The following CHD2 variants were observed in gnomAD, a reference collection of about 807,000 sequenced individuals.
The protein encoded by CHD2 is ATP-dependent chromatin remodeler CHD2.
Under a neutral mutation model 243.9 loss-of-function variants are expected in CHD2, and 28 were observed. That is an observed-to-expected ratio of 0.11 (90% CI 0.09 to 0.16). The LOEUF is 0.16. Ranked by LOEUF, CHD2 falls within the 10% of genes least tolerant of loss-of-function variation. The pLI is 1.00. For synonymous variants in CHD2, 775 were observed against 779.0 expected, an observed-to-expected ratio of 0.99 and a Z score of 0.09; for missense variants, 1,386 against 2,209.8, an observed-to-expected ratio of 0.63 and a Z score of 7.47.
intron 16 of CHD2, among the ~76,000 whole-genome samples, chr15:92,958,608 A>G (rs1289044989): frequency 6.6e-6 from 1 of 152,164 alleles, no homozygotes; most frequent in Non-Finnish European, 1.5e-5. Context: ...GAGGTTTTTT[A>G]TTTCTTTTAA....
chr15:93,003,110 T>C (rs1303603139), intron 33 of CHD2, among the ~76,000 whole-genome samples: 1 of 152,050 alleles, frequency 6.6e-6, no homozygotes, highest in East Asian at 1.9e-4. Context: ...AGACCTCGTC[T>C]CTACAAAATA....
intron 28 of CHD2, 28 bp from the exon 29 acceptor site, chr15:92,996,929 T>G: frequency 4.4e-6 from 7 of 1,589,106 alleles, no homozygotes; most frequent in Non-Finnish European, 6.0e-6. Flanking sequence ...GATTTTCATT[T>G]AACTAATGTG....
chr15:93,001,237 G>A (rs948699317), intron 32 of CHD2, among the ~76,000 whole-genome samples: 1 of 152,174 alleles, frequency 6.6e-6, no homozygotes, highest in Non-Finnish European at 1.5e-5. Flanking sequence ...GAGTGGTCAG[G>A]ACTGTGGTTA....
At chr15:92,978,003 C>T in intron 20 of CHD2, 1 of 495,146 alleles carries the variant, frequency 2.0e-6, no homozygotes, top group South Asian at 2.4e-5. Context: ...CTCCCATTGC[C>T]TTATTAGAGT....
chr15:92,923,331 GCTCACTGCATC>G (rs2141743401), intron 2 of CHD2, among the ~76,000 whole-genome samples: 1 of 152,182 alleles, frequency 6.6e-6, no homozygotes, highest in South Asian at 2.1e-4. Context: ...CGTAATCATG[GCTCACTGCATC>G]CTCGACTTCC....
intron 2 of CHD2, among the ~76,000 whole-genome samples, chr15:92,911,521 TGAGGCCAGGAGTTC>T (rs2141717539): frequency 6.6e-6 from 1 of 152,256 alleles, no homozygotes; most frequent in East Asian, 1.9e-4. Flanking sequence ...GCAGATCACT[TGAGGCCAGGAGTTC>T]GAGACCAGCC....
Position 92,975,842 on chromosome 15 carries a change from G to T in CHD2, c.2577+892G>T, listed in dbSNP as rs2053900097. 4.8e-5 allele frequency among the ~76,000 whole-genome samples: 3 copies of T among 62,848 alleles called. No homozygotes were observed. The Admixed American group carries it at 8.3e-4, about 17-fold the overall frequency. 41.2% of individuals were successfully genotyped at this position (62,848 alleles called of 152,430 possible). The stretch of plus-strand genomic sequence containing the variant: ...AGTCTAAACATTTACTTCTTGAGGG[G>T]CTTGGGGCATTAATCTATTCAGAGC... On this transcript the variant is annotated intron_variant, in intron 20 of 38. Coordinates refer to ENST00000394196, the MANE Select transcript of CHD2 (RefSeq NM_001271.4).
At chr15:92,991,637 C>G in intron 27 of CHD2, 120 bp downstream of exon 27, 1 of 631,106 alleles carries the variant, frequency 1.6e-6, no homozygotes, top group African/African-American at 1.9e-5. Flanking sequence ...TTTCTGGAAA[C>G]ATTTATTTAC....
At chr15:92,991,454 G>T in intron 26 of CHD2, 22 bp from the exon 27 acceptor site, 1 of 1,573,608 alleles carries the variant, frequency 6.4e-7, no homozygotes, top group Non-Finnish European at 8.7e-7. Context: ...TTTTTAATAT[G>T]TTTTATTGAT....
rs138254333 is a variant in CHD2, at chr15:92,927,762, T to C, written c.381+432T>C. Among the ~76,000 whole-genome samples the C allele has an allele frequency of 1.1e-4, 16 of 152,340 alleles. No individual in the cohort carries two copies. The East Asian group carries it at 2.3e-3, about 22-fold the overall frequency. On this transcript the variant is annotated intron_variant, in intron 4 of 38. Coordinates refer to ENST00000394196, the MANE Select transcript of CHD2 (RefSeq NM_001271.4). ...CCTGAAAGAGGAGGGAGTGCTTAAT[T>C]AATGTATCTACTTTTATTTAACTTC...
intron 7 of CHD2, 98 bp from the exon 8 acceptor site, chr15:92,941,723 AC>A: frequency 3.2e-6 from 4 of 1,259,726 alleles, no homozygotes; most frequent in Non-Finnish European, 4.4e-6. Flanking sequence ...TGCTTTTGGA[AC>A]CAAAAGGGTA....
In CHD2 at chr15:93,002,228, A is replaced by G; in HGVS notation, c.4189A>G (p.Asn1397Asp). The change falls in exon 33 of 39, where the codon AAC becomes GAC. Residue 1397 changes from asparagine to aspartate, a missense_variant. Asn to Asp is a conservative substitution (Grantham distance 23, BLOSUM62 1). Coordinates refer to ENST00000394196, the MANE Select transcript of CHD2 (RefSeq NM_001271.4). ...PMKKKQKKKE[N>D]KENKEKQMSS... is the part of the protein sequence containing the mutation. Reference sequence around the variant, plus strand: ...GAAAAAAAAACAGAAGAAGAAAGAGAACAAGGAGAACAAGGAGAAACAAAT... The same window carrying G: ...GAAAAAAAAACAGAAGAAGAAAGAGGACAAGGAGAACAAGGAGAAACAAAT... 1.2e-6 allele frequency: 2 copies of G among 1,600,372 alleles called. No individual in the cohort carries two copies. The highest frequency in any genetic ancestry group is 1.7e-6 in the Non-Finnish European group (2 of 1,172,600).
chr15:92,967,246 AT>A, intron 16 of CHD2, 78 bp from the exon 17 acceptor site: 1 of 1,022,192 alleles, frequency 9.8e-7, no homozygotes. Flanking sequence ...TATGGGAAAG[AT>A]TCATTTTTTT....
chr15:92,919,064 C>T (rs1335360080), intron 2 of CHD2, among the ~76,000 whole-genome samples: 2 of 152,096 alleles, frequency 1.3e-5, no homozygotes, highest in East Asian at 3.9e-4. Context: ...CCGTGTTGGC[C>T]AGGCTGGTCT....
chr15:92,990,894 A>G (rs1007389565), intron 26 of CHD2, among the ~76,000 whole-genome samples: 1 of 152,154 alleles, frequency 6.6e-6, no homozygotes, highest in Non-Finnish European at 1.5e-5. Flanking sequence ...TTGCAGGAAG[A>G]TAGATTGGAT....
At chr15:92,918,763 AATAT>A (rs745513600) in intron 2 of CHD2, among the ~76,000 whole-genome samples, 2 of 151,682 alleles carry the variant, frequency 1.3e-5, no homozygotes, top group African/African-American at 2.4e-5. Context: ...GAATAATATG[AATAT>A]ATATATACGT....
intron 24 of CHD2, among the ~76,000 whole-genome samples, chr15:92,983,063 A>G (rs2053999629): frequency 6.6e-6 from 1 of 151,902 alleles, no homozygotes; most frequent in Non-Finnish European, 1.5e-5. Flanking sequence ...GAGAGAAGCT[A>G]GAGAGCTCTC....
intron 38 of CHD2, among the ~76,000 whole-genome samples, chr15:93,023,375 G>A (rs925533876): frequency 6.6e-6 from 1 of 152,116 alleles, no homozygotes; most frequent in African/African-American, 2.4e-5. Flanking sequence ...ATAATATTTC[G>A]TTGTGTGGAT....
At chr15:92,941,639 G>C (rs1316442360) in intron 7 of CHD2, among the ~76,000 whole-genome samples, 183 bp from the exon 8 acceptor site, 1 of 151,998 alleles carries the variant, frequency 6.6e-6, no homozygotes, top group Non-Finnish European at 1.5e-5. Context: ...AGTTGTTTAG[G>C]AGCATTCATC....
Sources: allele counts gnomAD v4.1 joint callset (sites outside exome capture counted in the v4.1 genomes callset), GRCh38; gene constraint gnomAD v4.1.1; transcripts MANE v1.5; gene names NCBI Gene and HGNC (gene_info 2026-07-23, HGNC 2026-07-21).